Variants in EGFL6 observed in about 807,000 individuals in gnomAD.
EGFL6 encodes the protein epidermal growth factor-like protein 6.
In EGFL6, 42 loss-of-function variants were observed where a neutral mutation model predicts 43.1. That is an observed-to-expected ratio of 0.98 (90% confidence interval 0.76 to 1.26). The LOEUF (loss-of-function observed/expected upper bound fraction) is 1.26, where lower values mean the gene tolerates loss of function less well. Among genes scored for constraint, EGFL6 ranks in the 50% most tolerant of loss-of-function variants. The pLI is 0.00. For missense variants in EGFL6, 429 were observed against 427.8 expected (o/e 1.00, Z -0.02); for synonymous variants, 164 against 163.2 (o/e 1.01, Z -0.04).
intron 7 of EGFL6, among the ~76,000 whole-genome samples, chrX:13,614,540 TAA>T (rs900340540): frequency 1.2e-4 from 14 of 112,262 alleles, no homozygotes; most frequent in Middle Eastern, 9.1e-3. Context: ...TGATCTTCTA[TAA>T]AGTTTTATTC....
chrX:13,588,443 G>A (rs1211790344), intron 1 of EGFL6, among the ~76,000 whole-genome samples: 1 of 112,390 alleles, frequency 8.9e-6, no homozygotes, highest in East Asian at 2.8e-4. Flanking sequence ...ATATGTGTAA[G>A]GAAATAATCA....
At chrX:13,614,854 T>A (rs779479545) in intron 7 of EGFL6, among the ~76,000 whole-genome samples, 7 of 110,144 alleles carry the variant, frequency 6.4e-5, no homozygotes, top group African/African-American at 1.0e-4. Flanking sequence ...TTCAAGCAAT[T>A]CTCCTGCCTC....
chrX:13,606,543 T>C, intron 6 of EGFL6, 30 bp downstream of exon 6: 1 of 1,200,448 alleles, frequency 8.3e-7, no homozygotes, highest in Admixed American at 2.2e-5. Flanking sequence ...TTTCCTTTTT[T>C]TCCTGTCCCC....
At chrX:13,591,728 A>C (rs1208222907) in intron 2 of EGFL6, among the ~76,000 whole-genome samples, 2 of 110,818 alleles carry the variant, frequency 1.8e-5, no homozygotes, top group Non-Finnish European at 3.8e-5. Context: ...CCCTCTGTCC[A>C]TCTATTTGCC....
chrX:13,589,258 C>G (rs1257062393), intron 1 of EGFL6, among the ~76,000 whole-genome samples: 3 of 111,943 alleles, frequency 2.7e-5, no homozygotes, highest in Non-Finnish European at 5.6e-5. Context: ...TGTGCGTATA[C>G]AGAGCAGATC....
chrX:13,588,116 G>T (rs2146965711), intron 1 of EGFL6, among the ~76,000 whole-genome samples: 1 of 112,238 alleles, frequency 8.9e-6, no homozygotes, highest in South Asian at 3.7e-4. Flanking sequence ...AGTGACTTAT[G>T]AATCCCTAAA....
At chrX:13,578,322 CTG>C (rs1333388799) in intron 1 of EGFL6, among the ~76,000 whole-genome samples, 2 of 108,211 alleles carry the variant, frequency 1.8e-5, no homozygotes, top group Non-Finnish European at 3.8e-5. Flanking sequence ...CACTTTTACA[CTG>C]TTGGTGGGAC....
intron 7 of EGFL6, among the ~76,000 whole-genome samples, chrX:13,610,397 TG>T (rs1317956555): frequency 9.0e-6 from 1 of 111,641 alleles, no homozygotes; most frequent in Admixed American, 9.5e-5. Context: ...GCTTGCAGGC[TG>T]GGGGCTCTGA....
At chrX:13,592,861 CG>C (rs1270846401) in intron 2 of EGFL6, among the ~76,000 whole-genome samples, 5 of 27,047 alleles carry the variant, frequency 1.8e-4, no homozygotes, top group Non-Finnish European at 2.0e-4. Context: ...TTGCCTTTGT[CG>C]GGGGGGTGGG....
intron 9 of EGFL6, among the ~76,000 whole-genome samples, chrX:13,622,097 T>C (rs1286136914): frequency 3.6e-5 from 4 of 112,520 alleles, no homozygotes; most frequent in Admixed American, 2.8e-4. Flanking sequence ...GTATTAGCAC[T>C]CATTGAAGAA....
chrX:13,589,550 C>T lies in EGFL6; in HGVS notation c.75-6C>T. ...TCAATACTAACATGTAGTTCTTTAT[C>T]TGCAGTGCAAGGCATCACGGGTTGT... On this transcript the variant is annotated splice_polypyrimidine_tract_variant and splice_region_variant and intron_variant, in intron 1 of 11. Transcript: ENST00000361306. 1 of 1,199,990 alleles carries T rather than the reference C, an allele frequency of 8.3e-7. No homozygotes were observed. Among genetic ancestry groups the T allele is most frequent in the East Asian group, 3.0e-5 (1 of 33,618 alleles).
chrX:13,627,160 C>T lies in EGFL6; in HGVS notation c.1435C>T (p.Arg479Ter), dbSNP rs777299988. ...RLAGDKVGKL[R>*]VFVKNSNNAL... ...GGCCGGAGACAAAGTCGGGAAACTT[C>T]GAGTGTTTGTGAAAAACAGTAACAA... is the stretch of plus-strand genomic sequence containing the variant. The change falls in exon 11 of 12, where the codon CGA becomes TGA. Residue 479 changes from arginine to a stop codon, truncating the protein, a stop_gained. Transcript: ENST00000361306. LOFTEE classifies it high-confidence loss of function. 7 of 1,210,436 alleles carry T rather than the reference C, an allele frequency of 5.8e-6. No homozygotes were observed. The African/African-American group carries it at 7.0e-5, about 12-fold the overall frequency.
At chrX:13,624,046 CT>C in intron 10 of EGFL6, 121 bp downstream of exon 10, 2 of 515,967 alleles carry the variant, frequency 3.9e-6, no homozygotes, top group Non-Finnish European at 3.2e-6. Flanking sequence ...TTTTTGGAAA[CT>C]TTTAGACCTT....
chrX:13,624,938 A>G (rs1670101466), intron 10 of EGFL6: 1 of 112,019 alleles, frequency 8.9e-6, no homozygotes. Flanking sequence ...GCAAAGGGCA[A>G]ATTTAACCAG....
chrX:13,600,274 T>TTTCTTTC (rs1295486293), intron 4 of EGFL6, among the ~76,000 whole-genome samples, 180 bp downstream of exon 4: 4 of 76,821 alleles, frequency 5.2e-5, no homozygotes, highest in African/African-American at 1.6e-4. Context: ...TCCTTCTTTC[T>TTTCTTTC]TTCTTCTTTT....
At chrX:13,602,529 A>G in intron 4 of EGFL6, among the ~76,000 whole-genome samples, 1 of 112,108 alleles carries the variant, frequency 8.9e-6, no homozygotes, top group South Asian at 3.7e-4. Flanking sequence ...TTGTGGCCTC[A>G]TAGTTACAAT....
chrX:13,573,522 G>A (rs2146959546), intron 1 of EGFL6, among the ~76,000 whole-genome samples: 1 of 112,103 alleles, frequency 8.9e-6, no homozygotes, highest in South Asian at 3.7e-4. Flanking sequence ...TGTAATTCAT[G>A]AGCATAAATC....
At chrX:13,596,489 G>A (rs970752400) in intron 3 of EGFL6, 1 of 112,458 alleles carries the variant, frequency 8.9e-6, no homozygotes, top group Non-Finnish European at 1.9e-5. Context: ...TATGAGAAGT[G>A]TGTATACTTT....
intron 2 of EGFL6, among the ~76,000 whole-genome samples, chrX:13,593,440 G>A (rs1190842199): frequency 1.8e-5 from 2 of 111,796 alleles, no homozygotes; most frequent in Non-Finnish European, 3.8e-5. Flanking sequence ...TTGCAAGGGA[G>A]TGAGGGAGCA....
Sources: allele counts gnomAD v4.1 joint callset (sites outside exome capture counted in the v4.1 genomes callset), GRCh38; gene constraint gnomAD v4.1.1; transcripts MANE v1.5; gene names NCBI Gene and HGNC (gene_info 2026-07-23, HGNC 2026-07-21).